Variants in DHX33 observed in about 807,000 individuals in gnomAD.
DHX33 encodes the protein ATP-dependent RNA helicase DHX33.
Under a neutral mutation model 72.5 loss-of-function variants are expected in DHX33, and 42 were observed. The observed-to-expected ratio is 0.58, with a 90% CI of 0.45 to 0.75. The LOEUF (loss-of-function observed/expected upper bound fraction) is 0.75, where lower values mean the gene tolerates loss of function less well. Ranked by LOEUF, DHX33 falls within the 30% of genes least tolerant of loss-of-function variation. DHX33 has a pLI of 0.00. For synonymous variants in DHX33, 358 were observed against 366.1 expected, an observed-to-expected ratio of 0.98 and a Z score of 0.25; for missense variants, 842 against 917.5, an observed-to-expected ratio of 0.92 and a Z score of 1.06.
At chr17:5,460,015 CT>C (rs747129450) in intron 4 of DHX33, among the ~76,000 whole-genome samples, 3,187 of 131,486 alleles carry the variant, frequency 0.024, 45 homozygotes, top group East Asian at 0.051. Context: ...GAAAAAGTAC[CT>C]TTTTTTTTTT....
rs760487088 is a variant in DHX33, at chr17:5,453,653, A to G, written c.1323T>C (p.Ser441=). 4 of 1,614,204 alleles carry G rather than the reference A, an allele frequency of 2.5e-6. No individual in the cohort carries two copies. The highest frequency in any genetic ancestry group is 3.4e-6 in the Non-Finnish European group (4 of 1,180,040). ...VPEIQRCNLA[S]VMLQLLAMKV... ...TCATTGCTAGAAGCTGAAGCATCAC[A>G]CTGGCCAGGTTACACCTGTGAAGAG... The change falls in exon 8 of 12, where the codon AGT becomes AGC. Residue 441 remains serine (S), a synonymous_variant. Coordinates refer to ENST00000225296, the MANE Select transcript of DHX33 (RefSeq NM_020162.4).
intron 10 of DHX33, 120 bp downstream of exon 10, chr17:5,450,083 C>T (rs1384151933): frequency 1.6e-6 from 2 of 1,219,554 alleles, no homozygotes; most frequent in Admixed American, 2.2e-5. Context: ...TTTTGTGATT[C>T]TTTAGATAAT....
At chr17:5,461,769 G>A (rs969603423) in intron 3 of DHX33, among the ~76,000 whole-genome samples, 27 of 151,154 alleles carry the variant, frequency 1.8e-4, no homozygotes, top group African/African-American at 5.1e-4. Flanking sequence ...GGCTGGTCTC[G>A]ATCTCCTGAC....
At position 5,468,885 on chromosome 17, in the gene DHX33, C is replaced by T; in HGVS notation, c.-26G>A. ...GTCGGGAGGGCACCGCGGCGGGAGGCGCAAGCGCCGAGAGCTCCTGCCCCC... is the reference window on the plus strand; with the variant it reads ...GTCGGGAGGGCACCGCGGCGGGAGGTGCAAGCGCCGAGAGCTCCTGCCCCC... On this transcript the variant is annotated 5_prime_UTR_variant, in exon 1 of 12. Transcript: ENST00000225296. 6.5e-7 allele frequency: 1 copy of T among 1,548,580 alleles called. No homozygotes were observed. Among genetic ancestry groups the T allele is most frequent in the Non-Finnish European group, 8.7e-7 (1 of 1,146,368 alleles).
chr17:5,461,053 G>A lies in DHX33; in HGVS notation c.735C>T (p.Gly245=), dbSNP rs927313452. 14 of 1,613,406 alleles carry A rather than the reference G, an allele frequency of 8.7e-6. No homozygotes were observed. The highest frequency in any genetic ancestry group is 3.3e-5 in the Admixed American group (2 of 59,956). ...DVDLFSQYFN[G]APVLYLEGRQ... ...GACCCTCTAGGTAGAGGACGGGGGC[G>A]CCATTGAAATACTGAGAGAACAGGT... is the stretch of plus-strand genomic sequence containing the variant. Residue 245 remains glycine (G), a synonymous_variant, in exon 4 of 12, where the codon GGC becomes GGT. Transcript: ENST00000225296.
chr17:5,455,325 G>T, intron 5 of DHX33, 54 bp from the exon 6 acceptor site: 1 of 1,437,342 alleles, frequency 7.0e-7, no homozygotes, highest in Non-Finnish European at 9.8e-7. Flanking sequence ...TGATTCAGAA[G>T]TCTTCAAACA....
At chr17:5,459,880 C>T (rs1199632272) in intron 4 of DHX33, among the ~76,000 whole-genome samples, 1 of 149,650 alleles carries the variant, frequency 6.7e-6, no homozygotes, top group African/African-American at 2.6e-5. Flanking sequence ...CTCCTGGACT[C>T]AAGTGATCCT....
In DHX33 at chr17:5,463,708, A is replaced by T. The variant is rs376170125; in HGVS notation, c.290-19T>A. ...GTTTCCCCTAGGAGAGAGGGGGAAA[A>T]AAAAAAAAGGCTCACTGAAATGCAA... On this transcript the variant is annotated intron_variant, in intron 1 of 11. Transcript: ENST00000225296. 3,563 of 1,568,894 alleles carry T rather than the reference A, an allele frequency of 2.3e-3. 7 individuals carry two copies. Among genetic ancestry groups the T allele is most frequent in the Non-Finnish European group, 2.6e-3 (2,996 of 1,159,666 alleles).
At chr17:5,461,282 A>G (rs1001619234) in intron 3 of DHX33, 173 bp from the exon 4 acceptor site, 4 of 497,490 alleles carry the variant, frequency 8.0e-6, no homozygotes, top group African/African-American at 8.0e-5. Context: ...TAGAGCACAC[A>G]GGTCTGTTTC....
intron 4 of DHX33, among the ~76,000 whole-genome samples, chr17:5,458,575 C>T (rs1386097753): frequency 6.6e-6 from 1 of 152,138 alleles, no homozygotes; most frequent in South Asian, 2.1e-4. Flanking sequence ...CAGCAAGATC[C>T]TGCCTCAAAA....
chr17:5,462,857 A>G (rs1484772100), intron 2 of DHX33, among the ~76,000 whole-genome samples: 2 of 152,188 alleles, frequency 1.3e-5, no homozygotes, highest in Non-Finnish European at 2.9e-5. Context: ...GGGCAGGCAG[A>G]TCACGAGGTC....
At position 5,444,301 on chromosome 17, in the gene DHX33, CTTG is replaced by C. The variant is rs1227879786; in HGVS notation, c.2025_2027del (p.Asn675del). The C allele has an allele frequency of 1.9e-6, 3 of 1,614,158 alleles. No individual in the cohort carries two copies. The highest frequency in any genetic ancestry group is 1.7e-5 in the Admixed American group (1 of 60,022). ...TGACGCAGAGGTCCCGCATGTAGCA[CTTG>C]TTGGTGTAGAGCAGCTCAGTGTACA... On this transcript the variant is annotated inframe_deletion, in exon 12 of 12. Transcript: ENST00000225296. The surrounding 1 kb of genome is among the most constrained non-coding windows in gnomAD (Gnocchi z 4.9).
intron 11 of DHX33, among the ~76,000 whole-genome samples, chr17:5,447,984 G>A (rs1228960054): frequency 6.6e-6 from 1 of 152,114 alleles, no homozygotes. Context: ...TTCGAGACCA[G>A]TCTGGCCAAC....
In DHX33 at chr17:5,461,049, G is replaced by T; in HGVS notation, c.739C>A (p.Pro247Thr). ...TGCCGACCCTCTAGGTAGAGGACGG[G>T]GGCGCCATTGAAATACTGAGAGAAC... ...DLFSQYFNGA[P>T]VLYLEGRQHP... Residue 247 changes from proline (P) to threonine (T), a missense_variant, in exon 4 of 12, where the codon CCC becomes ACC. Pro to Thr is a conservative substitution (Grantham distance 38). Transcript: ENST00000225296. 1 of 1,612,926 alleles carries T rather than the reference G, an allele frequency of 6.2e-7. No homozygotes were observed. Among genetic ancestry groups the T allele is most frequent in the East Asian group, 2.2e-5 (1 of 44,808 alleles).
At chr17:5,456,573 C>T (rs1597360550) in intron 4 of DHX33, among the ~76,000 whole-genome samples, 2 of 152,074 alleles carry the variant, frequency 1.3e-5, no homozygotes, top group African/African-American at 2.4e-5. Flanking sequence ...GGCGACAGAA[C>T]GAGAACCTGA....
chr17:5,456,561 T>C (rs908201009), intron 4 of DHX33, among the ~76,000 whole-genome samples: 3 of 152,178 alleles, frequency 2.0e-5, no homozygotes, highest in African/African-American at 4.8e-5. Flanking sequence ...CACTCCAGCC[T>C]GGGCGACAGA....
At chr17:5,461,254 C>A in intron 3 of DHX33, 145 bp from the exon 4 acceptor site, 1 of 697,528 alleles carries the variant, frequency 1.4e-6, no homozygotes, top group South Asian at 2.4e-5. Flanking sequence ...GCAGAACAGG[C>A]AGAGGAAAAC....
Position 5,468,428 on chromosome 17 carries a change from G to A in DHX33, c.289+143C>T, listed in dbSNP as rs1302776350. 3 of 1,131,218 alleles carry A rather than the reference G, an allele frequency of 2.7e-6. No homozygotes were observed. The Admixed American group carries it at 8.3e-5, about 31-fold the overall frequency. 70.1% of individuals were successfully genotyped at this position (1,131,218 alleles called of 1,614,324 possible). On this transcript the variant is annotated intron_variant, in intron 1 of 11. Coordinates refer to ENST00000225296, the MANE Select transcript of DHX33 (RefSeq NM_020162.4). ...CAGGGCTGCCGGACTCTTCTTCGAG[G>A]CCCCTCTCCAGGTCTGGCCCAGAAA...
At position 5,442,953 on chromosome 17, in the gene DHX33, G is replaced by A. The variant is rs1246969462; in HGVS notation, c.*1252C>T. 6.6e-6 allele frequency: 1 copy of A among 152,208 alleles called. No homozygotes were observed. The highest frequency in any genetic ancestry group is 1.5e-5 in the Non-Finnish European group (1 of 68,046). 9.4% of individuals were successfully genotyped at this position (152,208 alleles called of 1,614,324 possible). A position where few individuals can be genotyped will look rare whatever the true frequency, so the allele number is the denominator to read the frequency against. Reference sequence around the variant, plus strand: ...ATTCCCTCTGACAATGAGGGTTAGAGAGAGGTGCCTAGCAGTTAGAAAGCA... The same window carrying A: ...ATTCCCTCTGACAATGAGGGTTAGAAAGAGGTGCCTAGCAGTTAGAAAGCA... On this transcript the variant is annotated 3_prime_UTR_variant, in exon 12 of 12. Coordinates refer to ENST00000225296, the MANE Select transcript of DHX33 (RefSeq NM_020162.4).
Sources: allele counts gnomAD v4.1 joint callset (sites outside exome capture counted in the v4.1 genomes callset), GRCh38; gene constraint gnomAD v4.1.1; non-coding constraint Gnocchi (gnomAD v3.1); transcripts MANE v1.5; gene names NCBI Gene and HGNC (gene_info 2026-07-23, HGNC 2026-07-21).